BICRAL: variants seen among roughly 807,000 people sequenced by gnomAD.
The protein encoded by BICRAL is BRD4-interacting chromatin-remodeling complex-associated protein-like.
In BICRAL, 8 loss-of-function variants were observed where a neutral mutation model predicts 91.8. That is an observed-to-expected ratio of 0.09 (90% CI 0.05 to 0.16). The LOEUF is 0.16. BICRAL is among the 10% of genes least tolerant of loss of function. BICRAL has a pLI of 1.00. For synonymous variants in BICRAL, 445 were observed against 491.1 expected, an observed-to-expected ratio of 0.91 and a Z score of 1.24; for missense variants, 1,038 against 1,310.9, an observed-to-expected ratio of 0.79 and a Z score of 3.21.
intron 2 of BICRAL, among the ~76,000 whole-genome samples, chr6:42,819,337 G>C (rs1764076838): frequency 6.6e-6 from 1 of 152,136 alleles, no homozygotes; most frequent in African/African-American, 2.4e-5. Flanking sequence ...CCAGGCTGGA[G>C]TGCAGTGGCA....
rs372156404 is a variant in BICRAL, at chr6:42,763,748, G to A, written c.-261+16725G>A. 4.6e-5 allele frequency among the ~76,000 whole-genome samples: 7 copies of A among 152,042 alleles called. No homozygotes were observed. In the East Asian group the frequency reaches 1.4e-3, roughly 29 times the overall value. On this transcript the variant is annotated intron_variant, in intron 1 of 14. Transcript: ENST00000614467. The stretch of plus-strand genomic sequence containing the variant: ...AGGCAAGAGAATCACTTCAACCCGG[G>A]AGGTGGAGGTTGCAGTGAGCCAAGA...
chr6:42,814,933 C>T (rs2113925140), intron 2 of BICRAL, among the ~76,000 whole-genome samples: 1 of 150,256 alleles, frequency 6.7e-6, no homozygotes, highest in East Asian at 2.0e-4. Context: ...TTTTTTGAGA[C>T]AGGGTCTCAC....
intron 2 of BICRAL, among the ~76,000 whole-genome samples, chr6:42,821,437 G>A (rs1764133603): frequency 6.6e-6 from 1 of 152,160 alleles, no homozygotes; most frequent in Non-Finnish European, 1.5e-5. Flanking sequence ...CAGGGGTGGT[G>A]CTGCTGCAAA....
At chr6:42,782,500 G>A in intron 1 of BICRAL, among the ~76,000 whole-genome samples, 1 of 151,056 alleles carries the variant, frequency 6.6e-6, no homozygotes, top group Non-Finnish European at 1.5e-5. Context: ...AGGCGGGCAG[G>A]GGGCGGCGAG....
intron 6 of BICRAL, among the ~76,000 whole-genome samples, chr6:42,840,517 A>T (rs574581322): frequency 1.1e-4 from 17 of 149,780 alleles, no homozygotes; most frequent in Admixed American, 1.1e-3. Flanking sequence ...CTGAGATTAC[A>T]GGCATGAGCC....
intron 1 of BICRAL, among the ~76,000 whole-genome samples, chr6:42,754,195 G>A (rs1413915424): frequency 3.4e-5 from 5 of 148,632 alleles, no homozygotes; most frequent in Non-Finnish European, 5.9e-5. Context: ...TTTTTGAGAC[G>A]GAGTCTTGCT....
At chr6:42,790,883 G>C (rs1692590346) in intron 1 of BICRAL, among the ~76,000 whole-genome samples, 1 of 152,054 alleles carries the variant, frequency 6.6e-6, no homozygotes, top group African/African-American at 2.4e-5. Flanking sequence ...GTGGGCTGGG[G>C]GAGTTGGGGA....
chr6:42,857,614 A>AAAAAATATATATATATATAT, intron 10 of BICRAL, among the ~76,000 whole-genome samples: 1 of 96,224 alleles, frequency 1.0e-5, no homozygotes, highest in African/African-American at 6.5e-5. Context: ...AAAAAAAAAA[A>AAAAAATATATATATATATAT]ATATATATAT....
intron 2 of BICRAL, among the ~76,000 whole-genome samples, chr6:42,819,578 G>A (rs1288241227): frequency 6.6e-6 from 1 of 152,196 alleles, no homozygotes; most frequent in Non-Finnish European, 1.5e-5. Context: ...GTGCCACCAT[G>A]CCCGGCCTAT....
intron 1 of BICRAL, among the ~76,000 whole-genome samples, chr6:42,785,851 C>T (rs9349241): frequency 4.6e-5 from 7 of 151,344 alleles, no homozygotes; most frequent in Non-Finnish European, 8.9e-5. Flanking sequence ...GTCAGGAGTT[C>T]GAGACCAGCC....
At chr6:42,815,139 C>T (rs1196458556) in intron 2 of BICRAL, among the ~76,000 whole-genome samples, 4 of 150,670 alleles carry the variant, frequency 2.7e-5, no homozygotes, top group Admixed American at 6.6e-5. Flanking sequence ...TTTATGACTC[C>T]TAAGGGTGAA....
intron 6 of BICRAL, among the ~76,000 whole-genome samples, chr6:42,844,473 C>T (rs1764922613): frequency 7.8e-6 from 1 of 128,638 alleles, no homozygotes; most frequent in Non-Finnish European, 1.6e-5. Flanking sequence ...CGCGCCACTG[C>T]ACTCCAGCGT....
At chr6:42,750,199 C>T (rs182976701) in intron 1 of BICRAL, among the ~76,000 whole-genome samples, 1 of 151,230 alleles carries the variant, frequency 6.6e-6, no homozygotes, top group East Asian at 2.0e-4. Flanking sequence ...CTCACTCTGT[C>T]ACCTAGGCTA....
chr6:42,824,368 G>A (rs1316040873), intron 5 of BICRAL, among the ~76,000 whole-genome samples: 3 of 151,692 alleles, frequency 2.0e-5, no homozygotes, highest in Non-Finnish European at 4.4e-5. Context: ...TTTTTGAGAC[G>A]GAATCTTGCT....
intron 1 of BICRAL, among the ~76,000 whole-genome samples, chr6:42,771,374 G>GT: frequency 6.6e-6 from 1 of 151,508 alleles, no homozygotes; most frequent in Non-Finnish European, 1.5e-5. Flanking sequence ...GTTTCTTTTT[G>GT]TTTTTTCTAC....
At chr6:42,773,286 C>T (rs1762763401) in intron 1 of BICRAL, among the ~76,000 whole-genome samples, 1 of 151,914 alleles carries the variant, frequency 6.6e-6, no homozygotes, top group Admixed American at 6.6e-5. Context: ...CCATTTTGGC[C>T]AGGGTGGTCT....
At chr6:42,860,837 A>G (rs1204519181) in intron 11 of BICRAL, among the ~76,000 whole-genome samples, 2 of 152,250 alleles carry the variant, frequency 1.3e-5, no homozygotes, top group African/African-American at 4.8e-5. Flanking sequence ...TTTAAAGTGT[A>G]CAACTGAGGC....
chr6:42,812,226 G>A (rs537281633), intron 2 of BICRAL, among the ~76,000 whole-genome samples: 1 of 152,258 alleles, frequency 6.6e-6, no homozygotes, highest in Non-Finnish European at 1.5e-5. Context: ...TTGTGTGGCG[G>A]AGGTGGCGGA....
chr6:42,789,602 A>T (rs1207312080), intron 1 of BICRAL, among the ~76,000 whole-genome samples: 2 of 150,136 alleles, frequency 1.3e-5, no homozygotes, highest in African/African-American at 4.9e-5. Context: ...AGATCTTCCC[A>T]CTGCACTCCA....
Sources: gnomAD v4.1 joint callset for allele counts (sites outside exome capture counted in the v4.1 genomes callset) on GRCh38, gnomAD v4.1.1 for gene constraint, MANE v1.5 for transcripts, NCBI Gene and HGNC (gene_info 2026-07-23, HGNC 2026-07-21) for gene names.